PTGIS: variants seen among roughly 807,000 people sequenced by gnomAD.
PTGIS encodes the protein prostaglandin I2 synthase.
Under a neutral mutation model 50.3 loss-of-function variants are expected in PTGIS, and 45 were observed. That is an observed-to-expected ratio of 0.90 (90% CI 0.70 to 1.15). PTGIS has a LOEUF of 1.15. Among genes scored for constraint, PTGIS ranks in the 50% most tolerant of loss-of-function variants. The pLI is 0.00. For synonymous variants in PTGIS, 260 were observed against 267.7 expected (o/e 0.97, Z 0.28); for missense variants, 668 against 661.3 (o/e 1.01, Z -0.11).
chr20:49,548,567 A>AATGG (rs1365726214), intron 2 of PTGIS, among the ~76,000 whole-genome samples: 8 of 151,172 alleles, frequency 5.3e-5, no homozygotes, highest in East Asian at 1.9e-4. Context: ...TGGATGAAAG[A>AATGG]ATGGATGGAT....
chr20:49,510,420 T>G (rs945173680), intron 9 of PTGIS, among the ~76,000 whole-genome samples: 1 of 152,150 alleles, frequency 6.6e-6, no homozygotes, highest in Admixed American at 6.5e-5. Context: ...AAGATCCAAT[T>G]CATTTATCCT....
chr20:49,513,031 T>C (rs1212716205), intron 8 of PTGIS, 49 bp downstream of exon 8: 1 of 1,607,438 alleles, frequency 6.2e-7, no homozygotes, highest in African/African-American at 1.3e-5. Flanking sequence ...CCAAAGTCAC[T>C]GATTGTTCTC....
intron 5 of PTGIS, among the ~76,000 whole-genome samples, chr20:49,533,095 C>A (rs545905997): frequency 3.3e-5 from 5 of 152,200 alleles, no homozygotes; most frequent in African/African-American, 1.2e-4. Context: ...GAGCCCCTGC[C>A]CATCTCTGGA....
intron 5 of PTGIS, among the ~76,000 whole-genome samples, chr20:49,528,715 A>G (rs1475742574): frequency 6.6e-6 from 1 of 152,230 alleles, no homozygotes; most frequent in Admixed American, 6.5e-5. Flanking sequence ...TAGAGGACAC[A>G]CTAAACCTTA....
At chr20:49,561,371 G>T (rs952721319) in intron 1 of PTGIS, among the ~76,000 whole-genome samples, 1 of 152,158 alleles carries the variant, frequency 6.6e-6, no homozygotes, top group Non-Finnish European at 1.5e-5. Flanking sequence ...GCCCATCCCG[G>T]CTTCTCTAGT....
At chr20:49,512,306 T>A (rs1486367627) in intron 8 of PTGIS, among the ~76,000 whole-genome samples, 1 of 151,766 alleles carries the variant, frequency 6.6e-6, no homozygotes, top group Non-Finnish European at 1.5e-5. Flanking sequence ...AATGGACAGA[T>A]GGATGCATGG....
Position 49,553,478 on chromosome 20 carries a change from T to A in PTGIS, c.75-3289A>T, listed in dbSNP as rs1601201934. 2.6e-5 allele frequency among the ~76,000 whole-genome samples: 4 copies of A among 152,150 alleles called. No individual in the cohort carries two copies. The East Asian group carries it at 7.7e-4, about 29-fold the overall frequency. On this transcript the variant is annotated intron_variant, in intron 1 of 9. Transcript: ENST00000244043. ...CATAAGTAATCTAGGTAAACTATTT[T>A]AAAAAATTAATTAGGTAAATGTAAT...
chr20:49,530,519 C>G (rs1293552625), intron 5 of PTGIS, among the ~76,000 whole-genome samples: 1 of 152,174 alleles, frequency 6.6e-6, no homozygotes, highest in East Asian at 1.9e-4. Context: ...TCCATGATGG[C>G]TATACCAATT....
chr20:49,567,887 G>A (rs902687669), intron 1 of PTGIS, among the ~76,000 whole-genome samples, 156 bp downstream of exon 1: 2 of 151,906 alleles, frequency 1.3e-5, no homozygotes, highest in African/African-American at 4.8e-5. Context: ...CCACGTGCGG[G>A]GCCCCGGGAC....
At chr20:49,557,307 G>C (rs1228571630) in intron 1 of PTGIS, among the ~76,000 whole-genome samples, 1 of 151,996 alleles carries the variant, frequency 6.6e-6, no homozygotes, top group Non-Finnish European at 1.5e-5. Flanking sequence ...GAAAAGGGGG[G>C]CAGGCATACA....
chr20:49,532,920 C>T (rs548052673), intron 5 of PTGIS, among the ~76,000 whole-genome samples: 3 of 152,216 alleles, frequency 2.0e-5, no homozygotes, highest in Non-Finnish European at 2.9e-5. Flanking sequence ...TAAAATGCTA[C>T]TTGCTACATT....
chr20:49,523,686 T>G (rs1981713905), intron 6 of PTGIS, among the ~76,000 whole-genome samples: 1 of 151,618 alleles, frequency 6.6e-6, no homozygotes, highest in Admixed American at 6.6e-5. Flanking sequence ...GGCTGAGGCA[T>G]GAGAATCACT....
intron 6 of PTGIS, among the ~76,000 whole-genome samples, chr20:49,517,785 C>T (rs1981527301): frequency 6.6e-6 from 1 of 152,228 alleles, no homozygotes; most frequent in African/African-American, 2.4e-5. Context: ...CTGCCCGCTC[C>T]TGCCTGCATC....
intron 1 of PTGIS, among the ~76,000 whole-genome samples, chr20:49,556,832 C>A (rs6019895): frequency 0.042 from 6,415 of 151,896 alleles, 461 homozygotes; most frequent in African/African-American, 0.15. Flanking sequence ...TCTCCTGGCT[C>A]CAAGTCTCCA....
Position 49,511,181 on chromosome 20 carries a change from T to A in PTGIS, c.1207-2A>T. 6.2e-7 allele frequency: 1 copy of A among 1,614,128 alleles called. No homozygotes were observed. The highest frequency in any genetic ancestry group is 8.5e-7 in the Non-Finnish European group (1 of 1,180,028). ...CAGGAATCGGTTGTATTTAAATACC[T>A]GAAATAGGAAGAAGGTCCTTTTCTG... On this transcript the variant is annotated splice_acceptor_variant, in intron 8 of 9. Coordinates refer to ENST00000244043, the MANE Select transcript of PTGIS (RefSeq NM_000961.4). LOFTEE classifies it high-confidence loss of function.
chr20:49,511,118 T>C lies in PTGIS; in HGVS notation c.1268A>G (p.Asp423Gly). Residue 423 changes from aspartate (D) to glycine (G), a missense_variant, in exon 9 of 10, where the codon GAT (aspartate) becomes GGT (glycine). By Grantham distance (94) the Asp-to-Gly change is moderately conservative (BLOSUM62 -1). Transcript: ENST00000244043. ...GTTGTAATTCTTCAGCCGTTTCCCA[T>C]CCTTGTAAAAGTCTTTCTTCTCTGA... Reference protein sequence around the residue: ...DGSEKKDFYKDGKRLKNYNMP... With the variant: ...DGSEKKDFYKGGKRLKNYNMP... 1 of 1,614,246 alleles carries C rather than the reference T, an allele frequency of 6.2e-7. No homozygotes were observed. The highest frequency in any genetic ancestry group is 8.5e-7 in the Non-Finnish European group (1 of 1,180,048).
At chr20:49,508,149 T>C in intron 9 of PTGIS, 85 bp from the exon 10 acceptor site, 1 of 1,505,786 alleles carries the variant, frequency 6.6e-7, no homozygotes. Flanking sequence ...CATGGCTGCC[T>C]CCTAAGTCTG....
At position 49,533,668 on chromosome 20, in the gene PTGIS, T is replaced by A. The variant is rs538471965; in HGVS notation, c.673+5902A>T. 4.1e-4 allele frequency among the ~76,000 whole-genome samples: 63 copies of A among 152,226 alleles called. 1 individual carries two copies. The South Asian group carries it at 0.011, about 26-fold the overall frequency. ...AAATCTATACATACTCCCACATTTT[T>A]AAAAATGGCCGGGTGTGGTGGCTCA... On this transcript the variant is annotated intron_variant, in intron 5 of 9. Coordinates refer to ENST00000244043, the MANE Select transcript of PTGIS (RefSeq NM_000961.4).
intron 6 of PTGIS, among the ~76,000 whole-genome samples, chr20:49,518,094 G>T (rs1981540487): frequency 6.6e-6 from 1 of 152,264 alleles, no homozygotes; most frequent in African/African-American, 2.4e-5. Flanking sequence ...CCCAGGGGGA[G>T]ACCCTCTGAG....
Sources: gnomAD v4.1 joint callset for allele counts (sites outside exome capture counted in the v4.1 genomes callset) on GRCh38, gnomAD v4.1.1 for gene constraint, MANE v1.5 for transcripts, NCBI Gene and HGNC (gene_info 2026-07-23, HGNC 2026-07-21) for gene names.